VPS53: variants seen among roughly 807,000 people sequenced by gnomAD.
VPS53 encodes vacuolar protein sorting-associated protein 53 homolog.
A neutral mutation model predicts 107.0 loss-of-function variants in VPS53; 70 were observed. That is an observed-to-expected ratio of 0.65 (90% confidence interval 0.54 to 0.80). The LOEUF (loss-of-function observed/expected upper bound fraction) is 0.80, where lower values mean the gene tolerates loss of function less well. VPS53 is among the 30% of genes least tolerant of loss of function. VPS53 has a pLI of 0.00. For synonymous variants in VPS53, 409 were observed against 393.3 expected (o/e 1.04, Z -0.47); for missense variants, 917 against 1,049.4 (o/e 0.87, Z 1.74).
intron 7 of VPS53, chr17:632,789 T>C (rs1257675197): frequency 2.2e-6 from 1 of 456,336 alleles, no homozygotes. Flanking sequence ...CTGGCTTATT[T>C]CATTTCACAT....
chr17:548,794 C>G (rs1467669591), intron 17 of VPS53, among the ~76,000 whole-genome samples: 1 of 152,206 alleles, frequency 6.6e-6, no homozygotes, highest in Admixed American at 6.5e-5. Flanking sequence ...GCAGTTTGAA[C>G]CAAGCTCTTT....
At chr17:700,844 A>C (rs184312120) in intron 2 of VPS53, among the ~76,000 whole-genome samples, 2 of 152,340 alleles carry the variant, frequency 1.3e-5, no homozygotes, top group East Asian at 3.9e-4. Flanking sequence ...AAATATGCTT[A>C]TAAATTGCTT....
chr17:713,424 G>A (rs560048121), intron 1 of VPS53, among the ~76,000 whole-genome samples: 16 of 152,100 alleles, frequency 1.1e-4, no homozygotes, highest in African/African-American at 3.9e-4. Flanking sequence ...AGGCCGAGGC[G>A]GGCGGATAGC....
At chr17:713,837 C>G (rs1378383166) in intron 1 of VPS53, among the ~76,000 whole-genome samples, 1 of 150,990 alleles carries the variant, frequency 6.6e-6, no homozygotes, top group African/African-American at 2.4e-5. Context: ...CTCAGGAGTT[C>G]GAGACCATCC....
At chr17:678,193 G>A (rs1011387124) in intron 4 of VPS53, among the ~76,000 whole-genome samples, 2 of 152,146 alleles carry the variant, frequency 1.3e-5, no homozygotes, top group African/African-American at 2.4e-5. Context: ...AATGAGGCAG[G>A]CGGACTGCCT....
chr17:579,194 A>G lies in VPS53; in HGVS notation c.1313+7076T>C, dbSNP rs192314818. ...TGCGTTCCCAGAGAATCTCCCTCAGAACCTAATGCGTTCCCAGAGAACCTC... is the reference window on the plus strand; with the variant it reads ...TGCGTTCCCAGAGAATCTCCCTCAGGACCTAATGCGTTCCCAGAGAACCTC... On this transcript the variant is annotated intron_variant, in intron 13 of 21. Transcript: ENST00000437048. Among the ~76,000 whole-genome samples the G allele has an allele frequency of 1.9e-3, 284 of 147,720 alleles. 2 individuals carry two copies. Among genetic ancestry groups the G allele is most frequent in the African/African-American group, 6.8e-3 (270 of 39,578 alleles).
intron 7 of VPS53, among the ~76,000 whole-genome samples, chr17:634,047 G>C (rs1337530803): frequency 1.3e-5 from 2 of 152,206 alleles, no homozygotes; most frequent in Non-Finnish European, 2.9e-5. Context: ...CACAGGGGAA[G>C]TCCAGCCGCT....
chr17:653,385 C>T lies in VPS53; in HGVS notation c.514G>A (p.Gly172Arg), dbSNP rs770563727. The change falls in exon 7 of 22, where the codon GGA (glycine) becomes AGA (arginine). Residue 172 changes from glycine to arginine, a missense_variant. By Grantham distance (125) the Gly-to-Arg change is moderately radical. Transcript: ENST00000437048. ...CCCTGAAGGAGATTAGCAACTTCTC[C>T]GTATTGTCTTCGCCTGGTCATGGCT... Reference protein sequence around the residue: ...LEAMTRRRQYGEVANLLQGVM... With the variant: ...LEAMTRRRQYREVANLLQGVM... 1.9e-5 allele frequency: 30 copies of T among 1,614,106 alleles called. No homozygotes were observed. The Admixed American group carries it at 2.8e-4, about 15-fold the overall frequency.
chr17:701,481 G>C (rs367794824), intron 2 of VPS53, among the ~76,000 whole-genome samples: 1 of 150,026 alleles, frequency 6.7e-6, no homozygotes, highest in Admixed American at 6.7e-5. Context: ...TGGTTCAAGC[G>C]ATTCTCCTGC....
At chr17:692,665 C>T (rs1434064604) in intron 4 of VPS53, among the ~76,000 whole-genome samples, 2 of 152,180 alleles carry the variant, frequency 1.3e-5, no homozygotes, top group Non-Finnish European at 2.9e-5. Flanking sequence ...TCATTTAAGA[C>T]ACCATGAATG....
intron 13 of VPS53, among the ~76,000 whole-genome samples, chr17:569,961 T>C (rs1163433838): frequency 6.6e-6 from 1 of 151,254 alleles, no homozygotes; most frequent in African/African-American, 2.4e-5. Context: ...ATAAATTACA[T>C]GATAAGTGAA....
intron 12 of VPS53, among the ~76,000 whole-genome samples, chr17:591,822 G>A (rs1210994184): frequency 6.6e-6 from 1 of 152,120 alleles, no homozygotes; most frequent in Admixed American, 6.6e-5. Flanking sequence ...AATAGATGTG[G>A]TGTGGTGCTG....
At chr17:699,064 G>C (rs1334435613) in intron 3 of VPS53, among the ~76,000 whole-genome samples, 1 of 152,110 alleles carries the variant, frequency 6.6e-6, no homozygotes, top group Non-Finnish European at 1.5e-5. Flanking sequence ...CTACTAGGGA[G>C]GCTAAGGCAG....
intron 17 of VPS53, among the ~76,000 whole-genome samples, chr17:547,637 A>G (rs1349532784): frequency 6.6e-6 from 1 of 152,014 alleles, no homozygotes; most frequent in Non-Finnish European, 1.5e-5. Context: ...TAAATTGTAC[A>G]CTTTATTTAT....
At chr17:699,806 A>G (rs1055492087) in intron 2 of VPS53, among the ~76,000 whole-genome samples, 1 of 152,234 alleles carries the variant, frequency 6.6e-6, no homozygotes, top group African/African-American at 2.4e-5. Context: ...ATGAATGCAC[A>G]ACACCATGGA....
Position 697,472 on chromosome 17 carries a change from G to A in VPS53, c.231C>T (p.Asp77=). 6.2e-7 allele frequency: 1 copy of A among 1,613,612 alleles called. No homozygotes were observed. The highest frequency in any genetic ancestry group is 8.5e-7 in the Non-Finnish European group (1 of 1,179,566). The part of the protein sequence containing the change: ...KIRLKIRRLD[D]NIRTVVRGQT... ...GACCTCTTACAACAGTTCGAATATT[G>A]TCATCCAGTCTCCTAGCAAAACAGT... The change falls in exon 4 of 22, where the codon GAC becomes GAT. Residue 77 remains aspartate, a synonymous_variant. Transcript: ENST00000437048.
intron 4 of VPS53, among the ~76,000 whole-genome samples, chr17:662,863 AAG>A (rs1971524585): frequency 1.1e-5 from 1 of 93,530 alleles, no homozygotes; most frequent in Admixed American, 1.1e-4. Context: ...GGAAGGAAGG[AAG>A]GAAGGAACGA....
At chr17:537,889 T>C (rs551971978) in intron 17 of VPS53, 56 of 152,200 alleles carry the variant, frequency 3.7e-4, no homozygotes, top group African/African-American at 1.3e-3. Flanking sequence ...TGGGATTATG[T>C]CAGGATTTCA....
intron 11 of VPS53, among the ~76,000 whole-genome samples, chr17:622,307 G>A (rs534818544): frequency 2.0e-5 from 3 of 151,904 alleles, no homozygotes; most frequent in Admixed American, 1.3e-4. Context: ...CAGCAGAATC[G>A]GGATTAGACC....
Sources: gnomAD v4.1 joint callset for allele counts (sites outside exome capture counted in the v4.1 genomes callset) on GRCh38, gnomAD v4.1.1 for gene constraint, MANE v1.5 for transcripts, NCBI Gene and HGNC (gene_info 2026-07-23, HGNC 2026-07-21) for gene names.